The following LPP variants were observed in gnomAD, a reference collection of about 807,000 sequenced individuals.
LPP encodes the protein LIM domain containing preferred translocation partner in lipoma, also known as lipoma-preferred partner.
Under a neutral mutation model 60.4 loss-of-function variants are expected in LPP, and 38 were observed. That is an observed-to-expected ratio of 0.63 (90% CI 0.49 to 0.83). The LOEUF is 0.83. Ranked by LOEUF, LPP falls within the 40% of genes least tolerant of loss-of-function variation. The pLI, the probability that LPP is intolerant of heterozygous loss-of-function variation, is 0.00. For synonymous variants in LPP, 328 were observed against 290.8 expected (o/e 1.13, Z -1.30); for missense variants, 902 against 783.6 (o/e 1.15, Z -1.80).
Position 188,860,761 on chromosome 3 carries a change from C to T in LPP, c.1411-5439C>T, listed in dbSNP as rs535798328. 5.9e-5 allele frequency among the ~76,000 whole-genome samples: 9 copies of T among 152,274 alleles called. No individual in the cohort carries two copies. The South Asian group carries it at 1.2e-3, about 21-fold the overall frequency. ...ACTGTTGTAGATGCTTGGGATCCAA[C>T]GACGAGTTTTCTCTTGTCCTATAGG... is the stretch of plus-strand genomic sequence containing the variant. On this transcript the variant is annotated intron_variant, in intron 9 of 11. Coordinates refer to ENST00000617246, the MANE Select transcript of LPP (RefSeq NM_001375462.1).
Position 188,884,312 on chromosome 3 carries a change from T to C in LPP, c.*9833T>C, listed in dbSNP as rs942302006. The C allele has an allele frequency of 3.9e-5, 9 of 230,628 alleles. No homozygotes were observed. The highest frequency in any genetic ancestry group is 7.7e-5 in the Non-Finnish European group (9 of 116,522). The allele number at this position is 230,628 out of a possible 1,614,324, so 14.3% of individuals were successfully genotyped here. ...GTCTCCAAGTAGCCACGCTCACAGC[T>C]GAGAACACCTTAGAGGACAATATCG... On this transcript the variant is annotated 3_prime_UTR_variant, in exon 12 of 12. Coordinates refer to ENST00000617246, the MANE Select transcript of LPP (RefSeq NM_001375462.1).
At chr3:188,569,152 CA>C (rs1417315613) in intron 6 of LPP, 8 of 43,594 alleles carry the variant, frequency 1.8e-4, no homozygotes, top group African/African-American at 4.9e-4. Flanking sequence ...AGAAAGAAAA[CA>C]GCCAAATAAT....
chr3:188,532,417 T>C (rs2150291271), intron 6 of LPP, among the ~76,000 whole-genome samples: 1 of 137,410 alleles, frequency 7.3e-6, no homozygotes. Context: ...AGAGCAAAAC[T>C]CTGTCTCAAT....
At chr3:188,278,324 C>T (rs890072244) in intron 2 of LPP, among the ~76,000 whole-genome samples, 1 of 152,160 alleles carries the variant, frequency 6.6e-6, no homozygotes, top group Non-Finnish European at 1.5e-5. Flanking sequence ...CCCTGATATT[C>T]GTCCCCTGGC....
chr3:188,731,453 G>C (rs1490135456), intron 8 of LPP, among the ~76,000 whole-genome samples: 1 of 151,396 alleles, frequency 6.6e-6, no homozygotes, highest in East Asian at 1.9e-4. Context: ...TAAGTTATTA[G>C]AAGCTGAGCT....
intron 7 of LPP, among the ~76,000 whole-genome samples, chr3:188,638,008 A>G (rs1189942972): frequency 6.6e-6 from 1 of 150,490 alleles, no homozygotes; most frequent in Non-Finnish European, 1.5e-5. Context: ...TCCCTAACTC[A>G]TTTTATGAGG....
At chr3:188,340,035 A>G (rs890587516) in intron 2 of LPP, among the ~76,000 whole-genome samples, 3 of 152,208 alleles carry the variant, frequency 2.0e-5, no homozygotes, top group African/African-American at 7.2e-5. Context: ...TGCTTCGACA[A>G]TTGAATTTTC....
chr3:188,341,127 A>G (rs779818620), intron 2 of LPP, among the ~76,000 whole-genome samples: 8 of 152,186 alleles, frequency 5.3e-5, no homozygotes, highest in Non-Finnish European at 1.0e-4. Flanking sequence ...CATTTCAATC[A>G]AATAGCTGGT....
intron 9 of LPP, among the ~76,000 whole-genome samples, chr3:188,776,185 G>A (rs1737711629): frequency 6.6e-6 from 1 of 152,214 alleles, no homozygotes; most frequent in Admixed American, 6.5e-5. Context: ...GATTCGGGCA[G>A]TTGTGAGAGC....
intron 2 of LPP, among the ~76,000 whole-genome samples, chr3:188,321,376 G>GCTA (rs1756913610): frequency 6.6e-6 from 1 of 152,126 alleles, no homozygotes; most frequent in Non-Finnish European, 1.5e-5. Flanking sequence ...TTGAAATGTG[G>GCTA]CTACTAGAAA....
intron 1 of LPP, among the ~76,000 whole-genome samples, chr3:188,225,076 A>G (rs555646560): frequency 1.3e-5 from 2 of 151,998 alleles, no homozygotes; most frequent in South Asian, 4.2e-4. Flanking sequence ...TTCTTTTTTT[A>G]TTTGGTATAG....
chr3:188,697,258 A>T (rs140137461), intron 7 of LPP, among the ~76,000 whole-genome samples: 4 of 152,172 alleles, frequency 2.6e-5, no homozygotes, highest in African/African-American at 9.7e-5. Flanking sequence ...CTCTGACTCA[A>T]ATGAAAACCA....
intron 9 of LPP, among the ~76,000 whole-genome samples, chr3:188,790,800 G>A (rs998216261): frequency 3.2e-4 from 45 of 140,274 alleles, no homozygotes; most frequent in African/African-American, 1.3e-4. Flanking sequence ...CAGCCTGGGC[G>A]ACAGAGTGAG....
chr3:188,387,923 ATTT>A (rs35318745), intron 3 of LPP, among the ~76,000 whole-genome samples: 3 of 147,952 alleles, frequency 2.0e-5, no homozygotes, highest in Admixed American at 6.7e-5. Context: ...TGTGAAAGGG[ATTT>A]TTTTTTTTTT....
At chr3:188,797,358 A>G (rs558183257) in intron 9 of LPP, among the ~76,000 whole-genome samples, 6 of 152,320 alleles carry the variant, frequency 3.9e-5, no homozygotes, top group African/African-American at 1.4e-4. Context: ...GAGGACTGGG[A>G]TATGTTTAAA....
chr3:188,635,067 G>A (rs920677688), intron 7 of LPP, among the ~76,000 whole-genome samples: 5 of 152,120 alleles, frequency 3.3e-5, no homozygotes, highest in Admixed American at 3.3e-4. Flanking sequence ...TGGCAGAAGA[G>A]TTACAACTAG....
At chr3:188,341,454 C>T (rs1763036024) in intron 2 of LPP, among the ~76,000 whole-genome samples, 1 of 152,174 alleles carries the variant, frequency 6.6e-6, no homozygotes, top group South Asian at 2.1e-4. Flanking sequence ...CTTTCTGTCC[C>T]TCTTTGAGCT....
chr3:188,335,587 G>A (rs1052432714), intron 2 of LPP, among the ~76,000 whole-genome samples: 6 of 152,072 alleles, frequency 3.9e-5, no homozygotes, highest in African/African-American at 1.4e-4. Flanking sequence ...TTTTTATTAT[G>A]TCTATCTTTG....
rs535085286 is a variant in LPP at position 188,878,739 on chromosome 3, C to G, written c.*4260C>G. ...ATAACCACCAAATCTCAAAAATATA[C>G]TCACCAAAAAGTAAAAAAGTAAAAA... On this transcript the variant is annotated 3_prime_UTR_variant, in exon 12 of 12. Coordinates refer to ENST00000617246, the MANE Select transcript of LPP (RefSeq NM_001375462.1). 63 of 177,854 alleles carry G rather than the reference C, an allele frequency of 3.5e-4. No homozygotes were observed. In the South Asian group the frequency reaches 8.9e-3, roughly 25 times the overall value. 11.0% of individuals were successfully genotyped at this position (177,854 alleles called of 1,614,324 possible).
Sources: gnomAD v4.1 joint callset for allele counts (sites outside exome capture counted in the v4.1 genomes callset) on GRCh38, gnomAD v4.1.1 for gene constraint, MANE v1.5 for transcripts, NCBI Gene and HGNC (gene_info 2026-07-23, HGNC 2026-07-21) for gene names.